The following ARHGAP44 variants were observed in gnomAD, a reference collection of about 807,000 sequenced individuals.
ARHGAP44 encodes the protein rho GTPase-activating protein 44.
A neutral mutation model predicts 106.8 loss-of-function variants in ARHGAP44; 43 were observed. The ratio of observed to expected loss-of-function variants is 0.40; its 90% CI spans 0.32 to 0.52. ARHGAP44 has a LOEUF of 0.52. Ranked by LOEUF, ARHGAP44 falls within the 20% of genes least tolerant of loss-of-function variation. ARHGAP44 has a pLI of 0.48. For synonymous variants in ARHGAP44, 439 were observed against 410.3 expected, an observed-to-expected ratio of 1.07 and a Z score of -0.85; for missense variants, 866 against 1,050.5, an observed-to-expected ratio of 0.82 and a Z score of 2.43.
chr17:12,902,460 C>G (rs531718144), intron 3 of ARHGAP44, among the ~76,000 whole-genome samples: 2 of 152,330 alleles, frequency 1.3e-5, no homozygotes, highest in African/African-American at 4.8e-5. Flanking sequence ...ATATTAGTAT[C>G]TGAAATCACT....
chr17:12,932,199 A>T (rs1191499429), intron 7 of ARHGAP44, among the ~76,000 whole-genome samples: 1 of 152,010 alleles, frequency 6.6e-6, no homozygotes, highest in Non-Finnish European at 1.5e-5. Flanking sequence ...TCCTATTTTC[A>T]ATTTTTGCCA....
At chr17:12,892,531 T>C (rs1029346530) in intron 1 of ARHGAP44, among the ~76,000 whole-genome samples, 2 of 152,144 alleles carry the variant, frequency 1.3e-5, no homozygotes, top group Non-Finnish European at 2.9e-5. Context: ...TTTTTTAGCC[T>C]ATCTTTTTTT....
intron 6 of ARHGAP44, 67 bp from the exon 7 acceptor site, chr17:12,928,862 C>T: frequency 7.3e-7 from 1 of 1,367,252 alleles, no homozygotes; most frequent in Non-Finnish European, 1.0e-6. Context: ...GATGTTTTCT[C>T]AGTGCTCCCA....
intron 13 of ARHGAP44, among the ~76,000 whole-genome samples, chr17:12,954,313 C>T (rs1021954882): frequency 1.3e-5 from 2 of 152,232 alleles, no homozygotes; most frequent in South Asian, 2.1e-4. Flanking sequence ...CCAAATTGTA[C>T]GTCTAAAAAT....
At chr17:12,818,220 TGACTC>T (rs1305752338) in intron 1 of ARHGAP44, among the ~76,000 whole-genome samples, 1 of 151,410 alleles carries the variant, frequency 6.6e-6, no homozygotes, top group Non-Finnish European at 1.5e-5. Flanking sequence ...TCATTTTAAA[TGACTC>T]AACTGGTACA....
chr17:12,790,789 CT>C (rs1157895077), intron 1 of ARHGAP44: 3 of 152,186 alleles, frequency 2.0e-5, no homozygotes, highest in African/African-American at 4.8e-5. Context: ...ACTAGACATT[CT>C]TTGAACACAG....
In ARHGAP44 at chr17:12,887,200, A is replaced by G. The variant is rs1184791250; in HGVS notation, c.54-7740A>G. Among the ~76,000 whole-genome samples the G allele has an allele frequency of 2.6e-5, 4 of 152,134 alleles. No individual in the cohort carries two copies. In the East Asian group the frequency reaches 7.7e-4, roughly 29 times the overall value. The stretch of plus-strand genomic sequence containing the variant: ...ATACATAATGAAAAATTATTTTTAT[A>G]CATTGCTGAATTACATTTGCATTGA... On this transcript the variant is annotated intron_variant, in intron 1 of 20. Transcript: ENST00000379672.
Position 12,929,058 on chromosome 17 carries a change from C to G in ARHGAP44, c.582+12C>G. Reference sequence around the variant, plus strand: ...TGGAGATTTGCAGGGTACCTGCCCTCTTTGCTCCTCTCTACTGGGACAGGC... The same window carrying G: ...TGGAGATTTGCAGGGTACCTGCCCTGTTTGCTCCTCTCTACTGGGACAGGC... On this transcript the variant is annotated intron_variant, in intron 7 of 20. Transcript: ENST00000379672. 1 of 1,600,018 alleles carries G rather than the reference C, an allele frequency of 6.2e-7. No individual in the cohort carries two copies.
intron 3 of ARHGAP44, among the ~76,000 whole-genome samples, chr17:12,899,355 G>A (rs557776177): frequency 6.6e-6 from 1 of 152,036 alleles, no homozygotes; most frequent in Non-Finnish European, 1.5e-5. Context: ...CTGAATAAAT[G>A]GTCTGAAAGT....
At chr17:12,932,926 C>T (rs1364455980) in intron 7 of ARHGAP44, among the ~76,000 whole-genome samples, 2 of 152,124 alleles carry the variant, frequency 1.3e-5, no homozygotes, top group Admixed American at 6.5e-5. Flanking sequence ...AGCCCCCACT[C>T]CTTTTTTTGT....
chr17:12,920,956 T>C (rs921768433), intron 6 of ARHGAP44, among the ~76,000 whole-genome samples: 3 of 152,204 alleles, frequency 2.0e-5, no homozygotes, highest in Non-Finnish European at 4.4e-5. Context: ...CAGTGGGATA[T>C]GTGTATATAA....
At chr17:12,906,344 G>T (rs180774267) in intron 3 of ARHGAP44, among the ~76,000 whole-genome samples, 9 of 152,230 alleles carry the variant, frequency 5.9e-5, no homozygotes, top group Non-Finnish European at 8.8e-5. Context: ...TGTATACCTG[G>T]AGTTGGTGTC....
intron 16 of ARHGAP44, among the ~76,000 whole-genome samples, chr17:12,968,862 C>T (rs1325872740): frequency 5.9e-5 from 9 of 151,698 alleles, no homozygotes; most frequent in African/African-American, 1.5e-4. Flanking sequence ...CTCCGCCTCC[C>T]GGGTTCACGC....
intron 16 of ARHGAP44, among the ~76,000 whole-genome samples, chr17:12,961,715 A>G (rs917934298): frequency 6.6e-6 from 1 of 152,214 alleles, no homozygotes; most frequent in African/African-American, 2.4e-5. Flanking sequence ...CCTGGGCAAC[A>G]AGAGCAAAAC....
At chr17:12,832,566 G>A (rs545652234) in intron 1 of ARHGAP44, among the ~76,000 whole-genome samples, 9 of 152,248 alleles carry the variant, frequency 5.9e-5, no homozygotes, top group Non-Finnish European at 1.3e-4. Context: ...GCAAGAAGGG[G>A]CTTTGTTTTA....
chr17:12,973,652 C>G (rs2039585423), intron 17 of ARHGAP44: 4 of 484,198 alleles, frequency 8.3e-6, no homozygotes, highest in Non-Finnish European at 1.5e-5. Context: ...CCACGCTCCC[C>G]CCTTCGCTGC....
At chr17:12,977,513 T>C (rs551916247) in intron 18 of ARHGAP44, among the ~76,000 whole-genome samples, 1 of 152,280 alleles carries the variant, frequency 6.6e-6, no homozygotes, top group East Asian at 1.9e-4. Context: ...CCCAACTGCT[T>C]AGCATGAATG....
At chr17:12,842,097 G>A (rs1219555719) in intron 1 of ARHGAP44, among the ~76,000 whole-genome samples, 2 of 151,030 alleles carry the variant, frequency 1.3e-5, no homozygotes, top group African/African-American at 2.4e-5. Flanking sequence ...CTTGGACCCC[G>A]CTCCCAAAGA....
intron 7 of ARHGAP44, among the ~76,000 whole-genome samples, chr17:12,936,711 G>C (rs2038559844): frequency 6.6e-6 from 1 of 152,246 alleles, no homozygotes; most frequent in Non-Finnish European, 1.5e-5. Flanking sequence ...AAATGCCAAA[G>C]AGCATAATTG....
Sources: gnomAD v4.1 joint callset for allele counts (sites outside exome capture counted in the v4.1 genomes callset) on GRCh38, gnomAD v4.1.1 for gene constraint, MANE v1.5 for transcripts, NCBI Gene and HGNC (gene_info 2026-07-23, HGNC 2026-07-21) for gene names.